Variants in CACNA2D1 observed in about 807,000 individuals in gnomAD.
CACNA2D1 encodes the protein voltage-dependent calcium channel subunit alpha-2/delta-1.
A neutral mutation model predicts 171.5 loss-of-function variants in CACNA2D1; 53 were observed. That is an observed-to-expected ratio of 0.31 (90% CI 0.25 to 0.39). The LOEUF is 0.39. Among genes scored for constraint, CACNA2D1 ranks in the 10% least tolerant of loss-of-function variants. CACNA2D1 has a pLI of 1.00. For missense variants in CACNA2D1, 903 were observed against 1,299.8 expected, an observed-to-expected ratio of 0.69 and a Z score of 4.69; for synonymous variants, 442 against 443.1, an observed-to-expected ratio of 1.00 and a Z score of 0.03.
At chr7:82,185,662 T>C (rs1158097433) in intron 3 of CACNA2D1, among the ~76,000 whole-genome samples, 2 of 151,854 alleles carry the variant, frequency 1.3e-5, no homozygotes, top group Admixed American at 6.6e-5. Context: ...TCGTGATATC[T>C]ATTATTAAAA....
At chr7:82,314,590 C>T (rs933573010) in intron 3 of CACNA2D1, among the ~76,000 whole-genome samples, 1 of 152,162 alleles carries the variant, frequency 6.6e-6, no homozygotes, top group Admixed American at 6.5e-5. Flanking sequence ...AGAATTATTT[C>T]ACTCAAACGT....
intron 12 of CACNA2D1, among the ~76,000 whole-genome samples, chr7:82,022,692 T>C (rs1482025748): frequency 6.6e-6 from 1 of 151,964 alleles, no homozygotes; most frequent in Non-Finnish European, 1.5e-5. Flanking sequence ...GTTTAGATTT[T>C]ACAAACTATT....
At chr7:82,089,298 A>G (rs1233300069) in intron 6 of CACNA2D1, among the ~76,000 whole-genome samples, 1 of 152,186 alleles carries the variant, frequency 6.6e-6, no homozygotes, top group Non-Finnish European at 1.5e-5. Flanking sequence ...ACCTACTACC[A>G]GTTGCTGACA....
chr7:82,363,020 C>A (rs1047110070), intron 1 of CACNA2D1, among the ~76,000 whole-genome samples: 1 of 152,024 alleles, frequency 6.6e-6, no homozygotes. Context: ...TGTCAGGCAA[C>A]CCCCTGAAAT....
chr7:82,275,515 T>C (rs1809204794), intron 3 of CACNA2D1, among the ~76,000 whole-genome samples: 1 of 152,124 alleles, frequency 6.6e-6, no homozygotes, highest in South Asian at 2.1e-4. Flanking sequence ...AGCAGATCTA[T>C]CATTATCTCT....
At chr7:81,994,769 T>C in intron 20 of CACNA2D1, 99 bp downstream of exon 20, 1 of 678,472 alleles carries the variant, frequency 1.5e-6, no homozygotes, top group Non-Finnish European at 2.6e-6. Flanking sequence ...CCCTGTTTTA[T>C]AAGTAAATAG....
At chr7:81,965,730 C>T in intron 31 of CACNA2D1, 65 bp from the exon 32 acceptor site, 2 of 901,948 alleles carry the variant, frequency 2.2e-6, no homozygotes, top group Non-Finnish European at 3.8e-6. Context: ...TTGTCTTTAC[C>T]CCATTATATA....
At chr7:82,108,170 T>G (rs1787968100) in intron 6 of CACNA2D1, among the ~76,000 whole-genome samples, 1 of 152,204 alleles carries the variant, frequency 6.6e-6, no homozygotes, top group Admixed American at 6.5e-5. Context: ...GTGAATTAAC[T>G]GAAACATACT....
At chr7:82,154,893 C>G (rs7803487) in intron 4 of CACNA2D1, among the ~76,000 whole-genome samples, 1 of 151,858 alleles carries the variant, frequency 6.6e-6, no homozygotes, top group African/African-American at 2.4e-5. Context: ...CCCAAGTCTC[C>G]TGTCAAATTG....
intron 38 of CACNA2D1, among the ~76,000 whole-genome samples, chr7:81,958,424 G>A (rs900169540): frequency 6.6e-6 from 1 of 151,974 alleles, no homozygotes; most frequent in Admixed American, 6.6e-5. Flanking sequence ...ATCAGAATTA[G>A]GAAGTATTGT....
chr7:82,291,495 TTTATA>T (rs1811585680), intron 3 of CACNA2D1, among the ~76,000 whole-genome samples: 1 of 136,726 alleles, frequency 7.3e-6, no homozygotes, highest in Admixed American at 7.9e-5. Context: ...TATATATATT[TTTATA>T]TATAGATAGA....
chr7:82,128,000 T>C (rs1790530314), intron 5 of CACNA2D1, among the ~76,000 whole-genome samples: 2 of 152,150 alleles, frequency 1.3e-5, no homozygotes, highest in South Asian at 4.1e-4. Flanking sequence ...ATCAGCTCAC[T>C]GCAGCCCCGA....
At chr7:82,304,950 A>T (rs1189956821) in intron 3 of CACNA2D1, among the ~76,000 whole-genome samples, 1 of 152,198 alleles carries the variant, frequency 6.6e-6, no homozygotes, top group Non-Finnish European at 1.5e-5. Context: ...TACACATTCT[A>T]TGCATGTAAC....
intron 3 of CACNA2D1, among the ~76,000 whole-genome samples, chr7:82,235,707 T>A (rs192836599): frequency 2.8e-4 from 42 of 152,246 alleles, no homozygotes; most frequent in South Asian, 1.9e-3. Flanking sequence ...TGGATTTCCT[T>A]CATTTTTTAA....
intron 4 of CACNA2D1, among the ~76,000 whole-genome samples, chr7:82,152,546 CA>C (rs1793975269): frequency 6.6e-6 from 1 of 151,862 alleles, no homozygotes; most frequent in Non-Finnish European, 1.5e-5. Flanking sequence ...CTAAATCTGG[CA>C]ACTTTCATTT....
intron 21 of CACNA2D1, among the ~76,000 whole-genome samples, chr7:81,988,686 G>C (rs1797225120): frequency 6.6e-6 from 1 of 152,124 alleles, no homozygotes. Context: ...AATTTGAAAG[G>C]ATGAGACAGA....
At chr7:82,439,618 C>T (rs1830351370) in intron 1 of CACNA2D1, among the ~76,000 whole-genome samples, 1 of 151,140 alleles carries the variant, frequency 6.6e-6, no homozygotes, top group Non-Finnish European at 1.5e-5. Flanking sequence ...AAATTATATC[C>T]ATTTCAGTCT....
intron 3 of CACNA2D1, among the ~76,000 whole-genome samples, chr7:82,305,897 A>G (rs6467890): frequency 0.75 from 113,574 of 152,088 alleles, 43,741 homozygotes; most frequent in African/African-American, 0.94. Context: ...TGTCAGGCTG[A>G]CAGAAAGGTA....
intron 2 of CACNA2D1, among the ~76,000 whole-genome samples, chr7:82,345,048 A>G (rs1819090641): frequency 6.6e-6 from 1 of 152,154 alleles, no homozygotes; most frequent in Non-Finnish European, 1.5e-5. Flanking sequence ...AGGATCACCA[A>G]TGATTAATTG....
Sources: gnomAD v4.1 joint callset for allele counts (sites outside exome capture counted in the v4.1 genomes callset) on GRCh38, gnomAD v4.1.1 for gene constraint, MANE v1.5 for transcripts, NCBI Gene and HGNC (gene_info 2026-07-23, HGNC 2026-07-21) for gene names.